The following SNX18 variants were observed in gnomAD, a reference collection of about 807,000 sequenced individuals.
SNX18 encodes sorting nexin 18.
A neutral mutation model predicts 48.7 loss-of-function variants in SNX18; 35 were observed. The ratio of observed to expected loss-of-function variants is 0.72; its 90% CI spans 0.55 to 0.95. The LOEUF is 0.95. Among genes scored for constraint, SNX18 ranks in the 40% least tolerant of loss-of-function variants. The pLI, the probability that SNX18 is intolerant of heterozygous loss-of-function variation, is 0.00. For missense variants in SNX18, 824 were observed against 871.0 expected (o/e 0.95, Z 0.68); for synonymous variants, 492 against 384.7 (o/e 1.28, Z -3.26).
chr5:54,531,465 C>A (rs1186650273), intron 1 of SNX18, among the ~76,000 whole-genome samples: 1 of 152,100 alleles, frequency 6.6e-6, no homozygotes, highest in African/African-American at 2.4e-5. Context: ...TTGACATTTG[C>A]GATTTTCACC....
At chr5:54,588,330 T>A in the SNX18 span, among the ~76,000 whole-genome samples, 6 of 47,630 alleles carry the variant, frequency 1.3e-4, no homozygotes, top group Non-Finnish European at 2.4e-4. Context: ...TTTTTTTTTT[T>A]TTTTTTTTTT....
At chr5:54,547,761 A>G (rs1762597365), downstream of SNX18, among the ~76,000 whole-genome samples, 1 of 152,196 alleles carries the variant, frequency 6.6e-6, no homozygotes, top group African/African-American at 2.4e-5. Context: ...TTTCACCTCC[A>G]TGCAGTGCCA....
the SNX18 span, among the ~76,000 whole-genome samples, chr5:54,610,295 G>A: frequency 6.6e-6 from 1 of 152,172 alleles, no homozygotes; most frequent in Non-Finnish European, 1.5e-5. Context: ...AGTCTAATGT[G>A]TGTATAGCAC....
At chr5:54,602,594 A>G in the SNX18 span, among the ~76,000 whole-genome samples, 1 of 152,158 alleles carries the variant, frequency 6.6e-6, no homozygotes, top group African/African-American at 2.4e-5. Context: ...AGGCAGAAGG[A>G]GAGACTGAGG....
At chr5:54,572,799 T>A in the SNX18 span, among the ~76,000 whole-genome samples, 1 of 96,208 alleles carries the variant, frequency 1.0e-5, no homozygotes, top group South Asian at 3.8e-4. Flanking sequence ...TTTTTTTTTT[T>A]TTTTTTTTTT....
At chr5:54,549,447 C>A (rs945627536), downstream of SNX18, among the ~76,000 whole-genome samples, 1 of 152,168 alleles carries the variant, frequency 6.6e-6, no homozygotes, top group African/African-American at 2.4e-5. Flanking sequence ...CCTGGCACAG[C>A]ATCCTTCTTA....
At chr5:54,633,610 A>T in the SNX18 span, among the ~76,000 whole-genome samples, 1 of 152,198 alleles carries the variant, frequency 6.6e-6, no homozygotes, top group South Asian at 2.1e-4. Flanking sequence ...AATGGTTATA[A>T]TATTATATAC....
Position 54,518,228 on chromosome 5 carries a change from G to C in SNX18, c.276G>C (p.Ala92=). The change falls in exon 1 of 2, where the codon GCG becomes GCC. Residue 92 remains alanine, a synonymous_variant. Transcript: ENST00000381410. The part of the protein sequence containing the change: ...PPGGFEPLPV[A]PPASFKPPPD... Reference sequence around the variant, plus strand: ...GGGGCTTCGAGCCCCTGCCTGTCGCGCCCCCCGCCTCCTTCAAGCCGCCGC... The same window carrying C: ...GGGGCTTCGAGCCCCTGCCTGTCGCCCCCCCCGCCTCCTTCAAGCCGCCGC... The C allele has an allele frequency of 7.1e-7, 1 of 1,409,158 alleles. No individual in the cohort carries two copies. Among genetic ancestry groups the C allele is most frequent in the Non-Finnish European group, 9.2e-7 (1 of 1,090,998 alleles). 87.3% of individuals were successfully genotyped at this position (1,409,158 alleles called of 1,614,324 possible). A position where few individuals can be genotyped will look rare whatever the true frequency, so the allele number is the denominator to read the frequency against.
At chr5:54,639,684 A>G in the SNX18 span, among the ~76,000 whole-genome samples, 188 of 152,342 alleles carry the variant, frequency 1.2e-3, no homozygotes, top group African/African-American at 4.1e-3. Flanking sequence ...CTTGGGTCCT[A>G]TGGCCTGAGT....
the SNX18 span, among the ~76,000 whole-genome samples, chr5:54,631,354 G>A: frequency 6.6e-6 from 1 of 152,196 alleles, no homozygotes. Flanking sequence ...TTATCATAGA[G>A]TAAAAATGCA....
chr5:54,538,337 G>C lies in SNX18; in HGVS notation c.1622-4842G>C, dbSNP rs1365405405. Reference sequence around the variant, plus strand: ...AGTGGGCAGAGGCGGGTAGAGGGAAGCTTCCTGGGAACCCCAGAAAGTGGT... The same window carrying C: ...AGTGGGCAGAGGCGGGTAGAGGGAACCTTCCTGGGAACCCCAGAAAGTGGT... On this transcript the variant is annotated intron_variant, in intron 1 of 1. Transcript: ENST00000381410. Among the ~76,000 whole-genome samples, 7 of 152,330 alleles carry C rather than the reference G, an allele frequency of 4.6e-5. No individual in the cohort carries two copies. In the East Asian group the frequency reaches 1.2e-3, roughly 25 times the overall value.
chr5:54,608,450 G>A, the SNX18 span, among the ~76,000 whole-genome samples: 5 of 152,146 alleles, frequency 3.3e-5, no homozygotes, highest in Non-Finnish European at 7.4e-5. Flanking sequence ...TGCCCAAGCT[G>A]GTCTTGAACT....
chr5:54,537,430 A>T (rs1762378832), intron 1 of SNX18, among the ~76,000 whole-genome samples: 1 of 152,214 alleles, frequency 6.6e-6, no homozygotes, highest in Non-Finnish European at 1.5e-5. Flanking sequence ...CAGCTAACTA[A>T]TGAAGCAGTT....
chr5:54,620,326 G>A, the SNX18 span, among the ~76,000 whole-genome samples: 1 of 152,142 alleles, frequency 6.6e-6, no homozygotes, highest in Non-Finnish European at 1.5e-5. Flanking sequence ...ACCAGAACCT[G>A]GAAGGAGAGT....
the SNX18 span, among the ~76,000 whole-genome samples, chr5:54,572,676 T>G: frequency 6.7e-6 from 1 of 148,644 alleles, no homozygotes; most frequent in East Asian, 2.0e-4. Context: ...GTTAATTTAT[T>G]AAAATATTTA....
the SNX18 span, among the ~76,000 whole-genome samples, chr5:54,568,236 G>C: frequency 1.7e-4 from 26 of 152,152 alleles, no homozygotes; most frequent in Non-Finnish European, 1.0e-4. Flanking sequence ...AGAATGTGTT[G>C]CTAACCTTTG....
At chr5:54,611,899 A>G in the SNX18 span, among the ~76,000 whole-genome samples, 2 of 150,390 alleles carry the variant, frequency 1.3e-5, no homozygotes, top group Non-Finnish European at 3.0e-5. Context: ...TTAATTAGAG[A>G]CAGGGTCTTG....
chr5:54,554,060 C>T, the SNX18 span, among the ~76,000 whole-genome samples: 1 of 152,242 alleles, frequency 6.6e-6, no homozygotes, highest in Non-Finnish European at 1.5e-5. Context: ...TCTGCCTGCT[C>T]ACCAGGGCTC....
downstream of SNX18, among the ~76,000 whole-genome samples, chr5:54,549,035 A>AT (rs918315616): frequency 6.6e-6 from 1 of 151,994 alleles, no homozygotes; most frequent in African/African-American, 2.4e-5. Context: ...TTTTATTTGT[A>AT]TTTTTTTGTA....
Sources: allele counts gnomAD v4.1 joint callset (sites outside exome capture counted in the v4.1 genomes callset), GRCh38; gene constraint gnomAD v4.1.1; transcripts MANE v1.5; gene names NCBI Gene and HGNC (gene_info 2026-07-23, HGNC 2026-07-21).